Variants in TRPM3 observed in about 807,000 individuals in gnomAD.
The protein encoded by TRPM3 is long transient receptor potential channel 3.
TRPM3 carries 77 observed loss-of-function variants against 181.2 expected under a neutral mutation model. The ratio of observed to expected loss-of-function variants is 0.42; its 90% CI spans 0.35 to 0.51. TRPM3 has a LOEUF of 0.51. Ranked by LOEUF, TRPM3 falls within the 20% of genes least tolerant of loss-of-function variation. TRPM3 has a pLI of 0.01. For synonymous variants in TRPM3, 745 were observed against 796.4 expected, an observed-to-expected ratio of 0.94 and a Z score of 1.09; for missense variants, 1,759 against 2,196.7, an observed-to-expected ratio of 0.80 and a Z score of 3.98.
At chr9:71,293,471 A>C (rs12380030) in intron 1 of TRPM3, among the ~76,000 whole-genome samples, 28,611 of 151,758 alleles carry the variant, frequency 0.19, 2,757 homozygotes, top group African/African-American at 0.25. Flanking sequence ...TATCCTTTAC[A>C]AATAAAAAAG....
At chr9:70,755,872 C>G (rs1024417089) in intron 8 of TRPM3, among the ~76,000 whole-genome samples, 3 of 152,092 alleles carry the variant, frequency 2.0e-5, no homozygotes, top group Non-Finnish European at 2.9e-5. Flanking sequence ...CAAAAACATA[C>G]CAAATTGTAA....
chr9:71,242,654 C>T (rs1263804692), intron 1 of TRPM3, among the ~76,000 whole-genome samples: 1 of 152,116 alleles, frequency 6.6e-6, no homozygotes, highest in Non-Finnish European at 1.5e-5. Context: ...CCATTACTAC[C>T]ACCATTACTA....
chr9:70,881,430 T>C (rs569982689), intron 1 of TRPM3, among the ~76,000 whole-genome samples: 15 of 152,230 alleles, frequency 9.9e-5, no homozygotes, highest in South Asian at 2.1e-4. Context: ...TTAAGTAACA[T>C]GGAATTTGAT....
At chr9:70,551,555 C>T (rs961587705) in intron 24 of TRPM3, among the ~76,000 whole-genome samples, 2 of 152,226 alleles carry the variant, frequency 1.3e-5, no homozygotes, top group African/African-American at 4.8e-5. Context: ...AAATGGATCT[C>T]TGGACCATCC....
intron 1 of TRPM3, among the ~76,000 whole-genome samples, chr9:71,162,159 C>A (rs1363115039): frequency 9.3e-4 from 119 of 127,604 alleles, no homozygotes; most frequent in Non-Finnish European, 3.0e-4. Context: ...AAGATCGTGC[C>A]ACTGCACTCC....
chr9:71,383,522 GT>G (rs1248790216), intron 1 of TRPM3, among the ~76,000 whole-genome samples: 6 of 152,080 alleles, frequency 3.9e-5, no homozygotes, highest in Admixed American at 3.9e-4. Context: ...TGGTTTCTGT[GT>G]CCCTGTACAA....
At chr9:70,841,624 CTATATATATATATATATA>C (rs72421594) in intron 5 of TRPM3, among the ~76,000 whole-genome samples, 5 of 72,906 alleles carry the variant, frequency 6.9e-5, no homozygotes, top group South Asian at 5.7e-4. Context: ...CTATATCCCA[CTATATATATATATATATA>C]TATATATATA....
At chr9:70,969,175 C>G (rs1366890781) in intron 1 of TRPM3, among the ~76,000 whole-genome samples, 1 of 151,800 alleles carries the variant, frequency 6.6e-6, no homozygotes, top group Non-Finnish European at 1.5e-5. Flanking sequence ...ATTACAAGAA[C>G]AGAAAACCAA....
chr9:71,423,091 T>A (rs894956311), intron 1 of TRPM3, among the ~76,000 whole-genome samples: 1 of 152,090 alleles, frequency 6.6e-6, no homozygotes, highest in Non-Finnish European at 1.5e-5. Context: ...TCCATTTCAG[T>A]CTATCACTGG....
chr9:71,414,119 T>C (rs978638857), intron 1 of TRPM3, among the ~76,000 whole-genome samples: 3 of 152,138 alleles, frequency 2.0e-5, no homozygotes, highest in Non-Finnish European at 4.4e-5. Flanking sequence ...TTCTTCATAA[T>C]GCTTATGGCA....
chr9:70,761,346 C>T lies in TRPM3; in HGVS notation c.1272+255G>A, dbSNP rs567658091. The T allele has an allele frequency of 1.9e-3, 1,168 of 629,992 alleles. 18 individuals carry two copies. The South Asian group carries it at 0.022, about 12-fold the overall frequency. 39.0% of individuals were successfully genotyped at this position (629,992 alleles called of 1,614,324 possible). A position where few individuals can be genotyped will look rare whatever the true frequency, so the allele number is the denominator to read the frequency against. ...ATCACTTCAACTCATTTTGTTGAGG[C>T]AGTCAGAGCGTTTGGATGAGCTCCA... is the stretch of plus-strand genomic sequence containing the variant. On this transcript the variant is annotated intron_variant, in intron 8 of 25. Transcript: ENST00000677713.
chr9:71,018,659 C>G (rs935132015), intron 1 of TRPM3, among the ~76,000 whole-genome samples: 2 of 151,640 alleles, frequency 1.3e-5, no homozygotes, highest in Non-Finnish European at 3.0e-5. Context: ...AAATTTCATC[C>G]ATAATTTAAA....
At chr9:71,327,794 T>C (rs1477075325) in intron 1 of TRPM3, among the ~76,000 whole-genome samples, 1 of 152,204 alleles carries the variant, frequency 6.6e-6, no homozygotes, top group Non-Finnish European at 1.5e-5. Context: ...TGAGAGGTTC[T>C]ATCAACGTTT....
intron 1 of TRPM3, among the ~76,000 whole-genome samples, chr9:71,034,487 A>G (rs1313070906): frequency 6.6e-6 from 1 of 152,116 alleles, no homozygotes; most frequent in Non-Finnish European, 1.5e-5. Context: ...TGTGATATAT[A>G]GGATTCAATA....
intron 6 of TRPM3, among the ~76,000 whole-genome samples, chr9:70,794,697 C>T (rs1294935220): frequency 2.6e-5 from 4 of 152,156 alleles, no homozygotes; most frequent in East Asian, 1.9e-4. Flanking sequence ...TGGCTCCCGT[C>T]GACTCCCACT....
intron 1 of TRPM3, among the ~76,000 whole-genome samples, chr9:70,978,609 G>T (rs2133994722): frequency 6.6e-6 from 1 of 152,300 alleles, no homozygotes; most frequent in Non-Finnish European, 1.5e-5. Flanking sequence ...ATAAATTTCT[G>T]AAACACTGCC....
intron 1 of TRPM3, among the ~76,000 whole-genome samples, chr9:71,329,693 A>C (rs1484649295): frequency 6.6e-6 from 1 of 152,216 alleles, no homozygotes; most frequent in Non-Finnish European, 1.5e-5. Flanking sequence ...TATTATCTCT[A>C]AATTCTAGAG....
intron 1 of TRPM3, among the ~76,000 whole-genome samples, chr9:71,181,185 C>T (rs1336834661): frequency 6.6e-6 from 1 of 152,106 alleles, no homozygotes. Flanking sequence ...ATCACACTCA[C>T]TCGCCATTTG....
At chr9:71,188,715 C>T (rs2077832601) in intron 1 of TRPM3, among the ~76,000 whole-genome samples, 1 of 151,876 alleles carries the variant, frequency 6.6e-6, no homozygotes, top group Non-Finnish European at 1.5e-5. Flanking sequence ...ATCCAGAAGT[C>T]ACTATGCTTT....
Sources: gnomAD v4.1 joint callset for allele counts (sites outside exome capture counted in the v4.1 genomes callset) on GRCh38, gnomAD v4.1.1 for gene constraint, MANE v1.5 for transcripts, NCBI Gene and HGNC (gene_info 2026-07-23, HGNC 2026-07-21) for gene names.